The following JAZF1 variants were observed in gnomAD, a reference collection of about 807,000 sequenced individuals.
The protein encoded by JAZF1 is juxtaposed with another zinc finger protein 1.
In JAZF1, 8 loss-of-function variants were observed where a neutral mutation model predicts 26.4. The ratio of observed to expected loss-of-function variants is 0.30; its 90% CI spans 0.18 to 0.55. The LOEUF (loss-of-function observed/expected upper bound fraction) is 0.55, where lower values mean the gene tolerates loss of function less well. Among genes scored for constraint, JAZF1 ranks in the 20% least tolerant of loss-of-function variants. JAZF1 has a pLI of 0.94. For missense variants in JAZF1, 199 were observed against 322.0 expected (o/e 0.62, Z 2.92); for synonymous variants, 126 against 122.3 (o/e 1.03, Z -0.20).
At chr7:28,172,563 C>A (rs181542227) in intron 1 of JAZF1, among the ~76,000 whole-genome samples, 5 of 152,164 alleles carry the variant, frequency 3.3e-5, no homozygotes, top group Admixed American at 3.3e-4. Flanking sequence ...TGAGTATATT[C>A]CTAAAAGAAG....
chr7:27,882,810 C>T (rs1007382680), intron 3 of JAZF1, among the ~76,000 whole-genome samples: 6 of 152,054 alleles, frequency 3.9e-5, no homozygotes, highest in South Asian at 4.1e-4. Flanking sequence ...TTTAATATGC[C>T]GTGTTTTAGA....
chr7:27,966,794 C>T (rs2128358618), intron 2 of JAZF1, among the ~76,000 whole-genome samples: 1 of 152,228 alleles, frequency 6.6e-6, no homozygotes, highest in Non-Finnish European at 1.5e-5. Flanking sequence ...CAGAAAGTTC[C>T]TTCTACTTAT....
intron 2 of JAZF1, among the ~76,000 whole-genome samples, chr7:27,957,615 T>G (rs759323588): frequency 1.3e-5 from 2 of 152,210 alleles, no homozygotes; most frequent in Non-Finnish European, 2.9e-5. Flanking sequence ...TGTAACATCC[T>G]ACCATCTAGA....
chr7:28,143,712 T>C (rs572002602), intron 1 of JAZF1, among the ~76,000 whole-genome samples: 2 of 152,356 alleles, frequency 1.3e-5, no homozygotes, highest in South Asian at 4.1e-4. Context: ...AAAATGATAC[T>C]ATCCATAAAA....
intron 1 of JAZF1, among the ~76,000 whole-genome samples, chr7:27,998,536 A>C (rs1450234445): frequency 2.0e-5 from 3 of 152,220 alleles, no homozygotes; most frequent in Non-Finnish European, 4.4e-5. Context: ...CTTAGTTTAT[A>C]GACATGTCAT....
intron 2 of JAZF1, among the ~76,000 whole-genome samples, chr7:27,979,405 T>TTTTTTAA (rs1368873651): frequency 1.2e-5 from 1 of 84,190 alleles, no homozygotes; most frequent in East Asian, 4.1e-4. Flanking sequence ...TTTTTTTTTT[T>TTTTTTAA]AGAAACAGAG....
chr7:27,966,199 A>G (rs1403883455), intron 2 of JAZF1, among the ~76,000 whole-genome samples: 1 of 152,124 alleles, frequency 6.6e-6, no homozygotes, highest in African/African-American at 2.4e-5. Flanking sequence ...TGAGGGCAAG[A>G]CTCTCCTGCT....
intron 1 of JAZF1, among the ~76,000 whole-genome samples, chr7:28,131,638 C>T (rs1448725783): frequency 6.6e-6 from 1 of 152,210 alleles, no homozygotes; most frequent in Admixed American, 6.5e-5. Flanking sequence ...ATTCATCCAA[C>T]AAATGACCAA....
intron 2 of JAZF1, among the ~76,000 whole-genome samples, chr7:27,902,315 A>G (rs1784178776): frequency 6.6e-6 from 1 of 152,222 alleles, no homozygotes; most frequent in Non-Finnish European, 1.5e-5. Context: ...TCTGAAACAG[A>G]AATTTCACAA....
intron 2 of JAZF1, among the ~76,000 whole-genome samples, chr7:27,917,908 C>G (rs1253166443): frequency 1.3e-5 from 2 of 152,210 alleles, no homozygotes; most frequent in East Asian, 1.9e-4. Flanking sequence ...ATTTCTGACT[C>G]TCCACTTTTG....
At chr7:27,895,549 C>T in intron 2 of JAZF1, 133 bp from the exon 3 acceptor site, 1 of 495,882 alleles carries the variant, frequency 2.0e-6, no homozygotes, top group Non-Finnish European at 3.5e-6. Context: ...ATCTCAAAAA[C>T]TCACAACAGC....
chr7:27,846,965 C>T (rs892668064), intron 3 of JAZF1, among the ~76,000 whole-genome samples: 41 of 134,608 alleles, frequency 3.0e-4, no homozygotes, highest in African/African-American at 1.0e-3. Flanking sequence ...GTAGCCTTAT[C>T]TGTTTTTATT....
At chr7:28,139,938 G>A (rs958035683) in intron 1 of JAZF1, among the ~76,000 whole-genome samples, 1 of 152,052 alleles carries the variant, frequency 6.6e-6, no homozygotes, top group Non-Finnish European at 1.5e-5. Context: ...ATGTATTTGG[G>A]GAACAGGGAA....
intron 1 of JAZF1, among the ~76,000 whole-genome samples, chr7:28,025,387 A>C (rs79885726): frequency 6.6e-6 from 1 of 152,326 alleles, no homozygotes; most frequent in Non-Finnish European, 1.5e-5. Context: ...AAATCCTTAC[A>C]ACCACCACCA....
chr7:28,111,379 T>C (rs1320019056), intron 1 of JAZF1, among the ~76,000 whole-genome samples: 2 of 152,214 alleles, frequency 1.3e-5, no homozygotes, highest in African/African-American at 2.4e-5. Flanking sequence ...TTTATTAGGG[T>C]TTTGTTACAT....
At chr7:27,856,618 T>C (rs1783260376) in intron 3 of JAZF1, among the ~76,000 whole-genome samples, 1 of 152,176 alleles carries the variant, frequency 6.6e-6, no homozygotes, top group Non-Finnish European at 1.5e-5. Context: ...TACAATCCCT[T>C]AGCTAGACAC....
intron 1 of JAZF1, among the ~76,000 whole-genome samples, chr7:28,159,658 G>C (rs758726854): frequency 3.3e-5 from 5 of 152,176 alleles, no homozygotes; most frequent in Non-Finnish European, 7.4e-5. Context: ...GGAGAAAGTA[G>C]AGGCAGGGAG....
intron 2 of JAZF1, among the ~76,000 whole-genome samples, chr7:27,904,216 C>T (rs781065472): frequency 2.9e-4 from 44 of 152,226 alleles, no homozygotes; most frequent in Non-Finnish European, 2.4e-4. Flanking sequence ...GGGTACATTT[C>T]AGCATGCAAC....
At chr7:28,010,750 A>G (rs1297708372) in intron 1 of JAZF1, among the ~76,000 whole-genome samples, 1 of 152,260 alleles carries the variant, frequency 6.6e-6, no homozygotes, top group African/African-American at 2.4e-5. Context: ...TCCTGTCCCT[A>G]GCATTTAGCA....
Sources: gnomAD v4.1 joint callset for allele counts (sites outside exome capture counted in the v4.1 genomes callset) on GRCh38, gnomAD v4.1.1 for gene constraint, MANE v1.5 for transcripts, NCBI Gene and HGNC (gene_info 2026-07-23, HGNC 2026-07-21) for gene names.